VSNL1: variants seen among roughly 807,000 people sequenced by gnomAD.
VSNL1 encodes the protein visinin-like protein 1.
In VSNL1, 6 loss-of-function variants were observed where a neutral mutation model predicts 20.4. That is an observed-to-expected ratio of 0.29 (90% CI 0.16 to 0.58). The LOEUF is 0.58. Among genes scored for constraint, VSNL1 ranks in the 20% least tolerant of loss-of-function variants. The pLI is 0.90. For missense variants in VSNL1, 100 were observed against 234.5 expected, an observed-to-expected ratio of 0.43 and a Z score of 3.75; for synonymous variants, 93 against 86.4, an observed-to-expected ratio of 1.08 and a Z score of -0.42.
At chr2:17,552,243 G>A (rs183219937) in intron 1 of VSNL1, among the ~76,000 whole-genome samples, 1 of 150,830 alleles carries the variant, frequency 6.6e-6, no homozygotes, top group Non-Finnish European at 1.5e-5. Context: ...ACAGTGCTCT[G>A]TGTTGGATAC....
chr2:17,590,817 G>GT (rs1664578445), intron 1 of VSNL1, among the ~76,000 whole-genome samples: 1 of 152,158 alleles, frequency 6.6e-6, no homozygotes, highest in Non-Finnish European at 1.5e-5. Flanking sequence ...CTCAAGCACA[G>GT]TGAAGGACTA....
chr2:17,560,877 A>G (rs1157250228), intron 1 of VSNL1, among the ~76,000 whole-genome samples: 1 of 152,204 alleles, frequency 6.6e-6, no homozygotes, highest in Non-Finnish European at 1.5e-5. Flanking sequence ...TGAGATTCAG[A>G]TTGCAACATA....
chr2:17,589,915 T>C (rs1034052701), intron 1 of VSNL1, among the ~76,000 whole-genome samples: 1 of 152,212 alleles, frequency 6.6e-6, no homozygotes, highest in Admixed American at 6.5e-5. Flanking sequence ...CTCTAGGCAC[T>C]GATTCAGTTC....
At chr2:17,587,378 C>G (rs1295897466) in intron 1 of VSNL1, among the ~76,000 whole-genome samples, 1 of 151,264 alleles carries the variant, frequency 6.6e-6, no homozygotes, top group Non-Finnish European at 1.5e-5. Flanking sequence ...CACACACACA[C>G]ACACACACAC....
intron 1 of VSNL1, among the ~76,000 whole-genome samples, chr2:17,573,116 T>G (rs550297356): frequency 1.3e-5 from 2 of 152,232 alleles, no homozygotes; most frequent in Non-Finnish European, 2.9e-5. Context: ...TTTGACTCAT[T>G]TGTTCATTCA....
chr2:17,650,050 G>A lies in VSNL1; in HGVS notation c.378+425G>A, dbSNP rs572152889. On this transcript the variant is annotated intron_variant, in intron 3 of 3. Coordinates refer to ENST00000295156, the MANE Select transcript of VSNL1 (RefSeq NM_003385.5). ...ACAGCAAGCAGGCTTTGCCCATTGT[G>A]TTTGTGAGTAACCCAGGATTCCTCT... Among the ~76,000 whole-genome samples, 16 of 152,298 alleles carry A rather than the reference G, an allele frequency of 1.1e-4. No homozygotes were observed. In the South Asian group the frequency reaches 2.7e-3, roughly 26 times the overall value.
At chr2:17,572,788 A>G (rs1239440606) in intron 1 of VSNL1, among the ~76,000 whole-genome samples, 1 of 152,136 alleles carries the variant, frequency 6.6e-6, no homozygotes, top group African/African-American at 2.4e-5. Flanking sequence ...ATGCTCTTTC[A>G]CATCTCTTTG....
chr2:17,581,136 A>G (rs188431254), intron 1 of VSNL1, among the ~76,000 whole-genome samples: 6 of 152,216 alleles, frequency 3.9e-5, no homozygotes, highest in Non-Finnish European at 8.8e-5. Flanking sequence ...TTTCATTTTT[A>G]TTCCTAAAGT....
chr2:17,599,180 T>C (rs1400850445), intron 2 of VSNL1, among the ~76,000 whole-genome samples: 1 of 151,988 alleles, frequency 6.6e-6, no homozygotes, highest in Non-Finnish European at 1.5e-5. Flanking sequence ...AAAATACATA[T>C]ATGAACAGCT....
At chr2:17,604,018 C>A (rs1664890079) in intron 2 of VSNL1, among the ~76,000 whole-genome samples, 1 of 152,140 alleles carries the variant, frequency 6.6e-6, no homozygotes, top group Non-Finnish European at 1.5e-5. Flanking sequence ...CCATGGATAT[C>A]CCAGGCCATC....
intron 1 of VSNL1, among the ~76,000 whole-genome samples, chr2:17,552,864 G>A (rs1370083267): frequency 1.3e-5 from 2 of 151,962 alleles, no homozygotes; most frequent in African/African-American, 4.8e-5. Context: ...AGTATATTGT[G>A]GATTAAAGAG....
chr2:17,574,186 C>T lies in VSNL1; in HGVS notation c.-5-17884C>T, dbSNP rs571852471. ...CCGTAGGTTCTGGGTAAATCCTATC[C>T]TATGTCTTTCTTTGATCCCCCCCCA... On this transcript the variant is annotated intron_variant, in intron 1 of 3. Coordinates refer to ENST00000295156, the MANE Select transcript of VSNL1 (RefSeq NM_003385.5). Among the ~76,000 whole-genome samples the T allele has an allele frequency of 3.9e-5, 6 of 152,116 alleles. No homozygotes were observed. The East Asian group carries it at 1.2e-3, about 29-fold the overall frequency.
intron 2 of VSNL1, among the ~76,000 whole-genome samples, chr2:17,616,418 A>T (rs1381332064): frequency 6.6e-6 from 1 of 152,246 alleles, no homozygotes; most frequent in African/African-American, 2.4e-5. Flanking sequence ...ATGAAGGGTT[A>T]TGAAATGGCA....
chr2:17,640,364 A>T (rs1665857273), intron 2 of VSNL1, among the ~76,000 whole-genome samples: 1 of 152,200 alleles, frequency 6.6e-6, no homozygotes, highest in Admixed American at 6.5e-5. Context: ...ACTGATATTC[A>T]ATCCCAGACC....
intron 1 of VSNL1, among the ~76,000 whole-genome samples, chr2:17,553,113 A>G (rs955908733): frequency 6.6e-6 from 1 of 152,186 alleles, no homozygotes; most frequent in African/African-American, 2.4e-5. Context: ...AAAAGGAAAA[A>G]TGGAATAGTA....
rs149793079 is a variant in VSNL1, at chr2:17,547,717, C to T, written c.-6+6799C>T. On this transcript the variant is annotated intron_variant, in intron 1 of 3. Coordinates refer to ENST00000295156, the MANE Select transcript of VSNL1 (RefSeq NM_003385.5). ...TCCTTCTTTAAATGCATCCCCTTTC[C>T]ATTATGCCTTTACTTTATCATCATC... is the stretch of plus-strand genomic sequence containing the variant. Among the ~76,000 whole-genome samples, 9 of 152,178 alleles carry T rather than the reference C, an allele frequency of 5.9e-5. No individual in the cohort carries two copies. In the East Asian group the frequency reaches 1.7e-3, roughly 29 times the overall value.
chr2:17,622,295 C>G (rs1030325952), intron 2 of VSNL1, among the ~76,000 whole-genome samples: 1 of 151,102 alleles, frequency 6.6e-6, no homozygotes, highest in Non-Finnish European at 1.5e-5. Context: ...GTCAGGAGCT[C>G]GAGACCAGCC....
At position 17,655,659 on chromosome 2, in the gene VSNL1, C is replaced by A; in HGVS notation, c.*265C>A. On this transcript the variant is annotated 3_prime_UTR_variant, in exon 4 of 4. Transcript: ENST00000295156. This position sits in a 1 kb window ranked among gnomAD's most constrained non-coding sequence, Gnocchi z 5.2. ...TGTGTAATATCATTTCATAAAAATCCCTCTTCCTCCAAAGCCTGGGCAGAA... is the reference window on the plus strand; with the variant it reads ...TGTGTAATATCATTTCATAAAAATCACTCTTCCTCCAAAGCCTGGGCAGAA... 1 of 349,066 alleles carries A rather than the reference C, an allele frequency of 2.9e-6. No homozygotes were observed. The highest frequency in any genetic ancestry group is 5.3e-6 in the Non-Finnish European group (1 of 188,004). The allele number at this position is 349,066 out of a possible 1,614,324, so 21.6% of individuals were successfully genotyped here.
chr2:17,641,116 T>C (rs894259948), intron 2 of VSNL1, among the ~76,000 whole-genome samples: 1 of 152,368 alleles, frequency 6.6e-6, no homozygotes, highest in South Asian at 2.1e-4. Context: ...GTTCTCATCA[T>C]TGTCACCATG....
Sources: gnomAD v4.1 joint callset for allele counts (sites outside exome capture counted in the v4.1 genomes callset) on GRCh38, gnomAD v4.1.1 for gene constraint, Gnocchi (gnomAD v3.1) non-coding constraint, MANE v1.5 for transcripts, NCBI Gene and HGNC (gene_info 2026-07-23, HGNC 2026-07-21) for gene names.